The following NPAS3 variants were observed in gnomAD, a reference collection of about 807,000 sequenced individuals.
NPAS3 encodes neuronal PAS domain-containing protein 3.
A neutral mutation model predicts 73.1 loss-of-function variants in NPAS3; 14 were observed. The ratio of observed to expected loss-of-function variants is 0.19; its 90% confidence interval spans 0.13 to 0.30. The LOEUF is 0.30. NPAS3 is among the 10% of genes least tolerant of loss of function. The probability of loss-of-function intolerance (pLI) is 1.00; values close to 1 mark genes in which losing one functional copy is unlikely to be tolerated. For missense variants in NPAS3, 1,096 were observed against 1,250.0 expected (o/e 0.88, Z 1.86); for synonymous variants, 620 against 541.5 (o/e 1.14, Z -2.01).
intron 4 of NPAS3, among the ~76,000 whole-genome samples, chr14:33,432,250 A>G (rs182023484): frequency 1.3e-5 from 2 of 152,284 alleles, no homozygotes; most frequent in East Asian, 3.9e-4. Context: ...CTTTGGGAAA[A>G]AATTGGTTTC....
At chr14:33,394,058 G>T (rs1280885709) in intron 4 of NPAS3, among the ~76,000 whole-genome samples, 1 of 152,120 alleles carries the variant, frequency 6.6e-6, no homozygotes, top group East Asian at 1.9e-4. Flanking sequence ...TGATTTTATG[G>T]CCTCTTCTTT....
chr14:33,173,640 A>G (rs1170885906), intron 2 of NPAS3, among the ~76,000 whole-genome samples: 1 of 152,200 alleles, frequency 6.6e-6, no homozygotes, highest in Non-Finnish European at 1.5e-5. Context: ...GTAGGAAAAT[A>G]ATTACAGTGT....
intron 5 of NPAS3, among the ~76,000 whole-genome samples, chr14:33,644,854 G>A (rs971065648): frequency 7.9e-5 from 12 of 152,074 alleles, no homozygotes; most frequent in Admixed American, 1.3e-4. Context: ...AGGCAGAGGC[G>A]GGCGGATCAC....
intron 4 of NPAS3, among the ~76,000 whole-genome samples, chr14:33,475,926 A>G (rs975659718): frequency 2.0e-5 from 3 of 152,190 alleles, no homozygotes; most frequent in African/African-American, 7.2e-5. Flanking sequence ...GAGAAGGACC[A>G]TAGCTATCCT....
At chr14:33,076,447 C>G (rs947783171) in intron 2 of NPAS3, among the ~76,000 whole-genome samples, 2 of 152,160 alleles carry the variant, frequency 1.3e-5, no homozygotes, top group African/African-American at 4.8e-5. Context: ...TATTTACCTT[C>G]CTAAATTGAT....
intron 4 of NPAS3, among the ~76,000 whole-genome samples, chr14:33,538,027 A>C (rs2054332086): frequency 6.6e-6 from 1 of 151,638 alleles, no homozygotes; most frequent in African/African-American, 2.4e-5. Flanking sequence ...TTGTGGTGGC[A>C]TAGACCATAA....
At chr14:33,115,621 A>G (rs1406933852) in intron 2 of NPAS3, among the ~76,000 whole-genome samples, 1 of 152,184 alleles carries the variant, frequency 6.6e-6, no homozygotes, top group Non-Finnish European at 1.5e-5. Flanking sequence ...AATGCAAACT[A>G]TTTAGATAGA....
intron 9 of NPAS3, among the ~76,000 whole-genome samples, chr14:33,779,401 G>A (rs907650999): frequency 6.6e-6 from 1 of 152,084 alleles, no homozygotes; most frequent in African/African-American, 2.4e-5. Context: ...TCCTTTATAT[G>A]ACCATTCAGG....
chr14:33,279,638 C>T (rs2041501308), intron 3 of NPAS3, among the ~76,000 whole-genome samples: 1 of 152,086 alleles, frequency 6.6e-6, no homozygotes. Context: ...ATTCCTATCA[C>T]CTTTTCACCC....
intron 4 of NPAS3, among the ~76,000 whole-genome samples, chr14:33,386,250 C>G (rs1281580466): frequency 1.3e-5 from 2 of 152,120 alleles, no homozygotes; most frequent in Non-Finnish European, 2.9e-5. Context: ...AAAAAAGGGA[C>G]AGAGACACAA....
chr14:33,679,558 T>C lies in NPAS3; in HGVS notation c.733+3173T>C, dbSNP rs916722189. ...GAACTCTGATAAAACACAGATTCTT[T>C]TTTAAACGGTGTAATTTAGTTGGGA... On this transcript the variant is annotated intron_variant, in intron 6 of 11. Coordinates refer to ENST00000356141, the Ensembl canonical transcript of NPAS3. Among the ~76,000 whole-genome samples, 3 of 152,250 alleles carry C rather than the reference T, an allele frequency of 2.0e-5. No homozygotes were observed. In the South Asian group the frequency reaches 6.2e-4, roughly 32 times the overall value.
intron 9 of NPAS3, 98 bp from the exon 10 acceptor site, chr14:33,793,799 C>G: frequency 8.4e-7 from 1 of 1,191,702 alleles, no homozygotes; most frequent in South Asian, 1.6e-5. Context: ...GTAGGTCCTC[C>G]CATTTTTAGG....
At chr14:33,325,115 A>G (rs2043634585) in intron 3 of NPAS3, among the ~76,000 whole-genome samples, 1 of 151,866 alleles carries the variant, frequency 6.6e-6, no homozygotes, top group Non-Finnish European at 1.5e-5. Context: ...CTAGGTAAGG[A>G]ATGAACACCA....
At position 33,613,962 on chromosome 14, in the gene NPAS3, G is replaced by A. The variant is rs193026021; in HGVS notation, c.558+53752G>A. Reference sequence around the variant, plus strand: ...GTCAGATTCCAAATTCCTTTAGGCCGGAAACTCACCATGTCCCCCATAATA... The same window carrying A: ...GTCAGATTCCAAATTCCTTTAGGCCAGAAACTCACCATGTCCCCCATAATA... On this transcript the variant is annotated intron_variant, in intron 5 of 11. Coordinates refer to ENST00000356141, the Ensembl canonical transcript of NPAS3. 2.8e-4 allele frequency among the ~76,000 whole-genome samples: 43 copies of A among 152,126 alleles called. 1 individual carries two copies. The highest frequency in any genetic ancestry group is 1.4e-3 in the Admixed American group (21 of 15,274).
At chr14:33,758,679 T>C (rs1411532785) in intron 7 of NPAS3, among the ~76,000 whole-genome samples, 2 of 152,256 alleles carry the variant, frequency 1.3e-5, no homozygotes, top group African/African-American at 2.4e-5. Context: ...AACTGCTTTT[T>C]TTTCTCTGCC....
At chr14:33,751,305 A>G (rs1397485215) in intron 7 of NPAS3, among the ~76,000 whole-genome samples, 2 of 152,218 alleles carry the variant, frequency 1.3e-5, no homozygotes, top group Non-Finnish European at 2.9e-5. Context: ...TAAACAAGTC[A>G]TTAAATCATT....
At chr14:33,698,011 C>T (rs1431530333) in intron 6 of NPAS3, among the ~76,000 whole-genome samples, 1 of 152,190 alleles carries the variant, frequency 6.6e-6, no homozygotes, top group Non-Finnish European at 1.5e-5. Flanking sequence ...TTCTTGTATA[C>T]TTTCAATGCA....
intron 7 of NPAS3, among the ~76,000 whole-genome samples, chr14:33,736,967 A>G (rs528023584): frequency 6.6e-6 from 1 of 152,366 alleles, no homozygotes; most frequent in East Asian, 1.9e-4. Context: ...TATGCTGGGC[A>G]TGATATAGTT....
intron 5 of NPAS3, among the ~76,000 whole-genome samples, chr14:33,609,165 GAA>G (rs113559106): frequency 6.7e-6 from 1 of 149,328 alleles, no homozygotes; most frequent in African/African-American, 2.5e-5. Context: ...ATTATTTAAA[GAA>G]AAAAAAAATG....
Sources: gnomAD v4.1 joint callset for allele counts (sites outside exome capture counted in the v4.1 genomes callset) on GRCh38, gnomAD v4.1.1 for gene constraint, MANE v1.5 for transcripts, NCBI Gene and HGNC (gene_info 2026-07-23, HGNC 2026-07-21) for gene names.